Variants in ARHGEF4 observed in about 807,000 individuals in gnomAD.
ARHGEF4 encodes Rho guanine nucleotide exchange factor 4.
Under a neutral mutation model 162.0 loss-of-function variants are expected in ARHGEF4, and 119 were observed. The observed-to-expected ratio is 0.73, with a 90% CI of 0.63 to 0.86. The LOEUF (loss-of-function observed/expected upper bound fraction) is 0.86. Ranked by LOEUF, ARHGEF4 falls within the 40% of genes least tolerant of loss-of-function variation. The pLI is 0.00. For missense variants in ARHGEF4, 2,488 were observed against 2,456.0 expected (o/e 1.01, Z -0.28); for synonymous variants, 1,014 against 979.9 (o/e 1.03, Z -0.65).
At chr2:130,972,858 C>T (rs1685454194) in intron 4 of ARHGEF4, among the ~76,000 whole-genome samples, 2 of 152,132 alleles carry the variant, frequency 1.3e-5, no homozygotes, top group South Asian at 2.1e-4. Flanking sequence ...AAATATGAGA[C>T]AACAAAATTA....
intron 5 of ARHGEF4, chr2:131,035,077 G>A: frequency 9.8e-7 from 1 of 1,025,260 alleles, no homozygotes; most frequent in Non-Finnish European, 1.2e-6. Flanking sequence ...CGCACGGAGC[G>A]GGAGGCCGGG....
intron 1 of ARHGEF4, among the ~76,000 whole-genome samples, chr2:130,887,472 G>C (rs558854326): frequency 6.6e-6 from 1 of 152,152 alleles, no homozygotes; most frequent in Admixed American, 6.5e-5. Context: ...TCATCTAACT[G>C]CTCACATTAA....
intron 1 of ARHGEF4, among the ~76,000 whole-genome samples, chr2:130,875,262 A>T (rs182903585): frequency 1.3e-5 from 2 of 152,204 alleles, no homozygotes; most frequent in Admixed American, 1.3e-4. Flanking sequence ...TTATCTACAG[A>T]TCGATGGCCC....
intron 1 of ARHGEF4, among the ~76,000 whole-genome samples, chr2:130,864,830 A>G (rs967308839): frequency 3.3e-5 from 5 of 152,244 alleles, no homozygotes; most frequent in Non-Finnish European, 2.9e-5. Flanking sequence ...AAAACATTCA[A>G]TTGTCTACTT....
Position 130,917,545 on chromosome 2 carries a change from G to C in ARHGEF4, c.3552+47G>C, listed in dbSNP as rs971509559. On this transcript the variant is annotated intron_variant, in intron 2 of 13. Transcript: ENST00000409359. ...AGCCTTTCCTGACCTCTGCAGGCAA[G>C]AGAAGGAGGGGAGCAGGCGGGAATC... The C allele has an allele frequency of 4.7e-6, 7 of 1,495,862 alleles. No individual in the cohort carries two copies. In the African/African-American group the frequency reaches 9.9e-5, roughly 21 times the overall value. 92.7% of individuals were successfully genotyped at this position (1,495,862 alleles called of 1,614,324 possible). A position where few individuals can be genotyped will look rare whatever the true frequency, so the allele number is the denominator to read the frequency against.
chr2:130,970,707 C>T (rs969743903), intron 4 of ARHGEF4, among the ~76,000 whole-genome samples: 1 of 152,050 alleles, frequency 6.6e-6, no homozygotes, highest in African/African-American at 2.4e-5. Context: ...GGGTGTTTGG[C>T]ATATGCATAT....
intron 1 of ARHGEF4, among the ~76,000 whole-genome samples, chr2:130,848,994 C>T (rs1681195365): frequency 6.6e-6 from 1 of 151,950 alleles, no homozygotes; most frequent in African/African-American, 2.4e-5. Context: ...GTTGGGGGCA[C>T]TGCCCACCTG....
In ARHGEF4 at chr2:130,916,403, C is replaced by A. The variant is rs1437349822; in HGVS notation, c.2457C>A (p.Thr819=). The A allele has an allele frequency of 6.5e-7, 1 of 1,528,896 alleles. No homozygotes were observed. The highest frequency in any genetic ancestry group is 2.1e-5 in the Admixed American group (1 of 48,048). The allele number at this position is 1,528,896 out of a possible 1,614,324, so 94.7% of individuals were successfully genotyped here. A position where few individuals can be genotyped will look rare whatever the true frequency, so the allele number is the denominator to read the frequency against. ...ESPGGVPAPT[T]EGRRWGSSGP... The stretch of plus-strand genomic sequence containing the variant: ...CAGGAGGGGTCCCGGCCCCGACCAC[C>A]GAGGGTCGCCGCTGGGGCTCTTCAG... The change falls in exon 2 of 14, where the codon ACC becomes ACA. Residue 819 remains threonine, a synonymous_variant. Transcript: ENST00000409359.
rs1263678219 is a variant in ARHGEF4 at position 130,915,577 on chromosome 2, T to C, written c.1631T>C (p.Leu544Ser). Residue 544 changes from leucine to serine, a missense_variant, in exon 2 of 14, where the codon TTG becomes TCG. Physicochemically the swap from Leu to Ser is moderately radical, Grantham distance 145 (BLOSUM62 -2). Coordinates refer to ENST00000409359, the MANE Select transcript of ARHGEF4 (RefSeq NM_001367493.1). ...QVWSGDLMGC[L>S]EVSDSSDAPE... ...TGGAGTGGAGACTTGATGGGCTGCTTGGAAGTGAGTGACAGTTCAGATGCC... is the reference window on the plus strand; with the variant it reads ...TGGAGTGGAGACTTGATGGGCTGCTCGGAAGTGAGTGACAGTTCAGATGCC... 6.4e-7 allele frequency: 1 copy of C among 1,550,416 alleles called. No homozygotes were observed. Among genetic ancestry groups the C allele is most frequent in the Non-Finnish European group, 8.7e-7 (1 of 1,146,954 alleles).
chr2:130,952,748 A>G (rs1684032437), intron 4 of ARHGEF4, among the ~76,000 whole-genome samples: 1 of 152,208 alleles, frequency 6.6e-6, no homozygotes, highest in African/African-American at 2.4e-5. Flanking sequence ...CAAAAATCAC[A>G]AGCATTCCTA....
In ARHGEF4 at chr2:130,974,139, G is replaced by A. The variant is rs368727748; in HGVS notation, c.3985+27504G>A. Among the ~76,000 whole-genome samples, 332 of 151,770 alleles carry A rather than the reference G, an allele frequency of 2.2e-3. 2 individuals carry two copies. The highest frequency in any genetic ancestry group is 7.5e-3 in the African/African-American group (310 of 41,416). ...AAAAAAAAATTAGCCAGGCATGATGGCACACACCTGTCGTCCCAGCCACTT... is the reference window on the plus strand; with the variant it reads ...AAAAAAAAATTAGCCAGGCATGATGACACACACCTGTCGTCCCAGCCACTT... On this transcript the variant is annotated intron_variant, in intron 4 of 13. Transcript: ENST00000409359.
intron 1 of ARHGEF4, among the ~76,000 whole-genome samples, chr2:130,845,254 T>C (rs866252545): frequency 4.2e-4 from 63 of 148,944 alleles, no homozygotes; most frequent in Middle Eastern, 6.8e-3. Flanking sequence ...GCACGGTGGC[T>C]CACACCTGTA....
chr2:131,035,956 C>G (rs889827766), intron 5 of ARHGEF4: 1 of 731,742 alleles, frequency 1.4e-6, no homozygotes, highest in Non-Finnish European at 1.7e-6. Flanking sequence ...GGATCCCGCT[C>G]CCTGCCCTGG....
chr2:130,903,705 T>C (rs1464836378), intron 1 of ARHGEF4, among the ~76,000 whole-genome samples: 1 of 152,172 alleles, frequency 6.6e-6, no homozygotes, highest in Admixed American at 6.5e-5. Flanking sequence ...CTCCCCCAAA[T>C]GTTTATTATT....
At chr2:131,045,196 C>G (rs540108359) in intron 12 of ARHGEF4, among the ~76,000 whole-genome samples, 173 bp from the exon 13 acceptor site, 1 of 152,316 alleles carries the variant, frequency 6.6e-6, no homozygotes, top group Non-Finnish European at 1.5e-5. Flanking sequence ...GCCCTCTGCC[C>G]TGGTTGGCCA....
rs376087006 is a variant in ARHGEF4 at position 130,994,946 on chromosome 2, G to A, written c.3986-32999G>A. 1.6e-3 allele frequency among the ~76,000 whole-genome samples: 246 copies of A among 152,232 alleles called. 1 individual carries two copies. The highest frequency in any genetic ancestry group is 5.6e-3 in the African/African-American group (233 of 41,518). ...TTCAGAGTCAGCCTGACTCCTCCTCGGACTCCACACAGCATTTTATCTGTG... is the reference window on the plus strand; with the variant it reads ...TTCAGAGTCAGCCTGACTCCTCCTCAGACTCCACACAGCATTTTATCTGTG... On this transcript the variant is annotated intron_variant, in intron 4 of 13. Coordinates refer to ENST00000409359, the MANE Select transcript of ARHGEF4 (RefSeq NM_001367493.1).
chr2:131,011,537 C>T (rs769907442), intron 4 of ARHGEF4: 1 of 1,246,580 alleles, frequency 8.0e-7, no homozygotes, highest in Non-Finnish European at 1.1e-6. Context: ...CCGTGAATAT[C>T]AGGACCTCAA....
chr2:130,871,486 A>G (rs1007847366), intron 1 of ARHGEF4, among the ~76,000 whole-genome samples: 8 of 151,958 alleles, frequency 5.3e-5, no homozygotes, highest in African/African-American at 1.9e-4. Context: ...CGGTAAGCCA[A>G]GATCGAGTCA....
chr2:131,041,914 T>C lies in ARHGEF4; in HGVS notation c.4995T>C (p.Ala1665=). 6.2e-7 allele frequency: 1 copy of C among 1,613,602 alleles called. No homozygotes were observed. The highest frequency in any genetic ancestry group is 1.1e-5 in the South Asian group (1 of 91,090). ...GACTTGAGAACATCGACAAGATTGC[T>C]CAGTGGCAGAGCTCCATAGAGGACT... The part of the protein sequence containing the change: ...KRRLENIDKI[A]QWQSSIEDWE... Residue 1665 remains alanine (A), a synonymous_variant, in exon 10 of 14, where the codon GCT becomes GCC. Coordinates refer to ENST00000409359, the MANE Select transcript of ARHGEF4 (RefSeq NM_001367493.1).
Sources: gnomAD v4.1 joint callset for allele counts (sites outside exome capture counted in the v4.1 genomes callset) on GRCh38, gnomAD v4.1.1 for gene constraint, MANE v1.5 for transcripts, NCBI Gene and HGNC (gene_info 2026-07-23, HGNC 2026-07-21) for gene names.